Variants in ITPR3 observed in about 807,000 individuals in gnomAD.
ITPR3 encodes inositol 1,4,5-trisphosphate receptor type 3, also known as inositol 1,4,5-trisphosphate-gated calcium channel ITPR3.
A neutral mutation model predicts 293.2 loss-of-function variants in ITPR3; 173 were observed. The observed-to-expected ratio is 0.59, with a 90% CI of 0.52 to 0.67. The LOEUF is 0.67. Among genes scored for constraint, ITPR3 ranks in the 30% least tolerant of loss-of-function variants. The pLI, the probability that ITPR3 is intolerant of heterozygous loss-of-function variation, is 0.00. For synonymous variants in ITPR3, 1,295 were observed against 1,444.4 expected, an observed-to-expected ratio of 0.90 and a Z score of 2.35; for missense variants, 2,796 against 3,592.1, an observed-to-expected ratio of 0.78 and a Z score of 5.66.
At chr6:33,631,021 G>A (rs1057491287) in intron 1 of ITPR3, among the ~76,000 whole-genome samples, 1 of 152,190 alleles carries the variant, frequency 6.6e-6, no homozygotes, top group Non-Finnish European at 1.5e-5. Flanking sequence ...CCTAGTAGGT[G>A]TGACTTTGGC....
rs909822118 is a variant in ITPR3 at position 33,679,371 on chromosome 6, A to G, written c.3973-511A>G. ...TGGTCCCTGCCCCTGAGCATCTGACAGTGTAGGCGGCAGGGGGAGAAAGAA... is the reference window on the plus strand; with the variant it reads ...TGGTCCCTGCCCCTGAGCATCTGACGGTGTAGGCGGCAGGGGGAGAAAGAA... On this transcript the variant is annotated intron_variant, in intron 30 of 57. Coordinates refer to ENST00000605930, the MANE Select transcript of ITPR3 (RefSeq NM_002224.4). This position sits in a 1 kb window ranked among gnomAD's most constrained non-coding sequence, Gnocchi z 4.2. Among the ~76,000 whole-genome samples the G allele has an allele frequency of 5.9e-5, 9 of 152,206 alleles. No individual in the cohort carries two copies. The highest frequency in any genetic ancestry group is 2.1e-4 in the South Asian group (1 of 4,838).
In ITPR3 at chr6:33,667,740, C is replaced by T; in HGVS notation, c.1714-52C>T. On this transcript the variant is annotated intron_variant, in intron 15 of 57. Coordinates refer to ENST00000605930, the MANE Select transcript of ITPR3 (RefSeq NM_002224.4). The surrounding 1 kb of genome is among the most constrained non-coding windows in gnomAD (Gnocchi z 4.4). ...GGCAGCGTTCCAGAGCAGAGCTGGG[C>T]CCTTGGCCCACCTGTGACTCTCTGT... 6.2e-6 allele frequency: 10 copies of T among 1,601,854 alleles called. No individual in the cohort carries two copies. The highest frequency in any genetic ancestry group is 8.5e-6 in the Non-Finnish European group (10 of 1,171,908).
At position 33,672,115 on chromosome 6, in the gene ITPR3, C is replaced by T; in HGVS notation, c.2815C>T (p.Pro939Ser). 3 of 1,614,012 alleles carry T rather than the reference C, an allele frequency of 1.9e-6. No homozygotes were observed. Among genetic ancestry groups the T allele is most frequent in the Non-Finnish European group, 2.5e-6 (3 of 1,179,978 alleles). Residue 939 changes from proline to serine, a missense_variant, in exon 22 of 58, where the codon CCC becomes TCC. Coordinates refer to ENST00000605930, the MANE Select transcript of ITPR3 (RefSeq NM_002224.4). This position sits in a 1 kb window ranked among gnomAD's most constrained non-coding sequence, Gnocchi z 5.0. ...CCGCAAGCAGTCCGTCTTCAGTGCC[C>T]CCAGCCTGTCTGCTGGGGCCAGTGC... The part of the protein sequence containing the change: ...LSRKQSVFSA[P>S]SLSAGASAAE...
intron 12 of ITPR3, 41 bp downstream of exon 12, chr6:33,665,010 C>T (rs368755571): frequency 4.3e-5 from 69 of 1,613,386 alleles, no homozygotes; most frequent in Middle Eastern, 1.6e-4. Flanking sequence ...GGGCCAGGGC[C>T]GGAGCTTGTT....
Position 33,655,870 on chromosome 6 carries a change from T to C in ITPR3, c.265T>C (p.Leu89=), listed in dbSNP as rs550908549. 1.4e-5 allele frequency: 23 copies of C among 1,613,990 alleles called. 1 individual carries two copies. The Middle Eastern group carries it at 9.9e-4, about 69-fold the overall frequency. ...QDKEKIADVV[L]LQKLQHAAQM... ...CAAGGAGAAGATCGCTGATGTGGTG[T>C]TGCTGCAGAAGCTGCAGGTATGTGT... The change falls in exon 3 of 58, where the codon TTG becomes CTG. Residue 89 remains leucine, a synonymous_variant. Coordinates refer to ENST00000605930, the MANE Select transcript of ITPR3 (RefSeq NM_002224.4). The surrounding 1 kb of genome is among the most constrained non-coding windows in gnomAD (Gnocchi z 4.9).
In ITPR3 at chr6:33,664,691, C is replaced by G. The variant is rs1227432148; in HGVS notation, c.1149-179C>G. ...GGCCTGGGCGCAGGGCTAGCTCTGG[C>G]TGTTCTTATCTGGCTTCAGCCTCCT... On this transcript the variant is annotated intron_variant, in intron 11 of 57. Transcript: ENST00000605930. This position sits in a 1 kb window ranked among gnomAD's most constrained non-coding sequence, Gnocchi z 4.4. 6.6e-6 allele frequency among the ~76,000 whole-genome samples: 1 copy of G among 152,132 alleles called. No individual in the cohort carries two copies. Among genetic ancestry groups the G allele is most frequent in the Non-Finnish European group, 1.5e-5 (1 of 68,028 alleles).
intron 7 of ITPR3, among the ~76,000 whole-genome samples, chr6:33,659,920 G>C (rs1294497685): frequency 6.6e-6 from 1 of 152,190 alleles, no homozygotes; most frequent in Non-Finnish European, 1.5e-5. Context: ...CCCTTGCCCT[G>C]TGCCCTCATT....
chr6:33,656,736 T>A (rs1764315724), intron 3 of ITPR3, among the ~76,000 whole-genome samples: 1 of 152,186 alleles, frequency 6.6e-6, no homozygotes, highest in African/African-American at 2.4e-5. Context: ...TTGGCTGTGG[T>A]CAAGAACTTT....
In ITPR3 at chr6:33,682,860, G is replaced by A. The variant is rs376093100; in HGVS notation, c.4597+216G>A. 2.6e-5 allele frequency among the ~76,000 whole-genome samples: 4 copies of A among 152,152 alleles called. No individual in the cohort carries two copies. The highest frequency in any genetic ancestry group is 9.7e-5 in the African/African-American group (4 of 41,418). ...AGTTCCCCAGAGAAGGATGCTCGCC[G>A]ACATTCTCCAGCTAGTTTTTTATGG... is the stretch of plus-strand genomic sequence containing the variant. On this transcript the variant is annotated intron_variant, in intron 34 of 57. Coordinates refer to ENST00000605930, the MANE Select transcript of ITPR3 (RefSeq NM_002224.4). This position sits in a 1 kb window ranked among gnomAD's most constrained non-coding sequence, Gnocchi z 5.4.
chr6:33,695,587 C>T (rs750059794), intron 57 of ITPR3, 125 bp from the exon 58 acceptor site: 31 of 908,876 alleles, frequency 3.4e-5, no homozygotes, highest in South Asian at 2.5e-4. Context: ...GGCCCTGGCC[C>T]GCCGCCAGTG....
chr6:33,662,986 G>A lies in ITPR3; in HGVS notation c.934G>A (p.Gly312Ser). Residue 312 changes from glycine to serine, a missense_variant, in exon 9 of 58, where the codon GGC becomes AGC. Gly to Ser is a moderately conservative substitution (Grantham distance 56). Transcript: ENST00000605930. Reference sequence around the variant, plus strand: ...GTACCGCTTCAAGCACCTGGCTACAGGCAACTACCTGGCTGCTGAGGTGAG... The same window carrying A: ...GTACCGCTTCAAGCACCTGGCTACAAGCAACTACCTGGCTGCTGAGGTGAG... ...GLYRFKHLAT[G>S]NYLAAEENPS... The A allele has an allele frequency of 1.9e-6, 3 of 1,602,152 alleles. No individual in the cohort carries two copies. The highest frequency in any genetic ancestry group is 1.7e-6 in the Non-Finnish European group (2 of 1,173,912).
At position 33,669,015 on chromosome 6, in the gene ITPR3, T is replaced by A. The variant is rs776377413; in HGVS notation, c.2048T>A (p.Leu683Gln). Residue 683 changes from leucine (L) to glutamine (Q), a missense_variant, in exon 18 of 58, where the codon CTG becomes CAG. Coordinates refer to ENST00000605930, the MANE Select transcript of ITPR3 (RefSeq NM_002224.4). ...GAGATGGCCCAATCCCACGAGTACC[T>A]GAGCATCGAGTACTCAGAAGAGGAA... The part of the protein sequence containing the change: ...VKEMAQSHEY[L>Q]SIEYSEEEVW... 1 of 1,614,100 alleles carries A rather than the reference T, an allele frequency of 6.2e-7. No homozygotes were observed. Among genetic ancestry groups the A allele is most frequent in the Non-Finnish European group, 8.5e-7 (1 of 1,179,992 alleles).
chr6:33,677,171 T>C, intron 27 of ITPR3, 82 bp downstream of exon 27: 2 of 1,288,062 alleles, frequency 1.6e-6, no homozygotes, highest in Non-Finnish European at 1.1e-6. Flanking sequence ...CCCCTGTGCC[T>C]CTCCCTGTGC....
chr6:33,675,477 C>T lies in ITPR3; in HGVS notation c.3117-214C>T, dbSNP rs968034406. On this transcript the variant is annotated intron_variant, in intron 24 of 57. Coordinates refer to ENST00000605930, the MANE Select transcript of ITPR3 (RefSeq NM_002224.4). The surrounding 1 kb of genome is among the most constrained non-coding windows in gnomAD (Gnocchi z 5.0). ...TCAGTTGCTTAATCAAGGGGAGTCC[C>T]GAGAGATCCCAGGAGACACGGGTCA... Among the ~76,000 whole-genome samples the T allele has an allele frequency of 2.0e-5, 3 of 152,108 alleles. No individual in the cohort carries two copies. Among genetic ancestry groups the T allele is most frequent in the Non-Finnish European group, 2.9e-5 (2 of 67,984 alleles).
At position 33,676,834 on chromosome 6, in the gene ITPR3, C is replaced by G. The variant is rs772614324; in HGVS notation, c.3349C>G (p.Leu1117Val). The G allele has an allele frequency of 6.2e-7, 1 of 1,614,154 alleles. No individual in the cohort carries two copies. The highest frequency in any genetic ancestry group is 1.1e-5 in the South Asian group (1 of 91,082). The change falls in exon 26 of 58, where the codon CTG becomes GTG. Residue 1117 changes from leucine (L) to valine (V), a missense_variant. Transcript: ENST00000605930. ...YKVIKSELDR[L>V]RTMVEKSELW... ...GGTGATCAAGTCGGAGCTGGACCGG[C>G]TGCGGACCATGGTGGAGAAGTCAGA...
At chr6:33,678,323 C>A in intron 28 of ITPR3, 98 bp from the exon 29 acceptor site, 1 of 1,526,056 alleles carries the variant, frequency 6.6e-7, no homozygotes, top group Non-Finnish European at 8.9e-7. Flanking sequence ...CGGTCCCAGT[C>A]CCAAGCCCGA....
intron 7 of ITPR3, among the ~76,000 whole-genome samples, chr6:33,661,377 A>G (rs1764459348): frequency 6.6e-6 from 1 of 152,176 alleles, no homozygotes; most frequent in Admixed American, 6.5e-5. Flanking sequence ...CAGGCCCTGG[A>G]ACTGGGCCAA....
intron 57 of ITPR3, 86 bp from the exon 58 acceptor site, chr6:33,695,626 G>A (rs1765523256): frequency 7.4e-7 from 1 of 1,348,052 alleles, no homozygotes; most frequent in Non-Finnish European, 1.1e-6. Flanking sequence ...CACAGGGGAA[G>A]ACGGGTGCCA....
In ITPR3 at chr6:33,675,858, T is replaced by G; in HGVS notation, c.3282+2T>G. 1 of 1,557,140 alleles carries G rather than the reference T, an allele frequency of 6.4e-7. No homozygotes were observed. Among genetic ancestry groups the G allele is most frequent in the Non-Finnish European group, 8.7e-7 (1 of 1,150,360 alleles). On this transcript the variant is annotated splice_donor_variant, in intron 25 of 57. Transcript: ENST00000605930. LOFTEE classifies it high-confidence loss of function. The surrounding 1 kb of genome is among the most constrained non-coding windows in gnomAD (Gnocchi z 5.0). ...GAGGCCATGCACACCTTCAAGCAGG[T>G]GACGGGACTACCTGGCCCTGGCCCT...
Sources: gnomAD v4.1 joint callset for allele counts (sites outside exome capture counted in the v4.1 genomes callset) on GRCh38, gnomAD v4.1.1 for gene constraint, Gnocchi (gnomAD v3.1) non-coding constraint, MANE v1.5 for transcripts, NCBI Gene and HGNC (gene_info 2026-07-23, HGNC 2026-07-21) for gene names.